Variants in NRXN1 observed in about 807,000 individuals in gnomAD.
The protein encoded by NRXN1 is neurexin-1.
In NRXN1, 39 loss-of-function variants were observed where a neutral mutation model predicts 150.9. The observed-to-expected ratio is 0.26, with a 90% CI of 0.20 to 0.34. NRXN1 has a LOEUF of 0.34. Ranked by LOEUF, NRXN1 falls within the 10% of genes least tolerant of loss-of-function variation. NRXN1 has a pLI of 1.00. For synonymous variants in NRXN1, 924 were observed against 757.0 expected, an observed-to-expected ratio of 1.22 and a Z score of -3.62; for missense variants, 1,815 against 1,949.9, an observed-to-expected ratio of 0.93 and a Z score of 1.30.
intron 21 of NRXN1, among the ~76,000 whole-genome samples, chr2:49,949,520 C>A (rs915490258): frequency 6.6e-6 from 1 of 151,818 alleles, no homozygotes; most frequent in African/African-American, 2.4e-5. Context: ...AAGACGCTTA[C>A]AGAAAACTAT....
chr2:50,755,678 C>A (rs1031547667), intron 5 of NRXN1, among the ~76,000 whole-genome samples: 2 of 151,784 alleles, frequency 1.3e-5, no homozygotes, highest in Non-Finnish European at 2.9e-5. Context: ...GTTTTCTAAT[C>A]CCATGAGGAA....
Position 50,984,233 on chromosome 2 carries a change from C to T in NRXN1, c.772+43269G>A, listed in dbSNP as rs138871302. On this transcript the variant is annotated intron_variant, in intron 2 of 22. Transcript: ENST00000401669. Reference sequence around the variant, plus strand: ...CTCCTGACCTCAGGTGATCCACCCACGTCGGCCTCCCAAAGTGTTGGGATT... The same window carrying T: ...CTCCTGACCTCAGGTGATCCACCCATGTCGGCCTCCCAAAGTGTTGGGATT... 7.2e-3 allele frequency among the ~76,000 whole-genome samples: 1,079 copies of T among 149,394 alleles called. 16 individuals are homozygous for T. The highest frequency in any genetic ancestry group is 0.024 in the African/African-American group (958 of 40,476).
intron 21 of NRXN1, chr2:49,969,748 G>A (rs1677621364): frequency 6.6e-6 from 1 of 152,008 alleles, no homozygotes; most frequent in African/African-American, 2.4e-5. Context: ...GGGTGGTATG[G>A]CCGTAGACTG....
intron 21 of NRXN1, among the ~76,000 whole-genome samples, chr2:50,033,980 A>AC (rs1446370557): frequency 4.2e-4 from 64 of 151,890 alleles, no homozygotes; most frequent in African/African-American, 1.4e-3. Flanking sequence ...AAAAAAAAAA[A>AC]AAAAACAAAC....
intron 19 of NRXN1, among the ~76,000 whole-genome samples, chr2:50,090,695 T>A (rs1699437395): frequency 6.6e-6 from 1 of 152,180 alleles, no homozygotes; most frequent in Non-Finnish European, 1.5e-5. Context: ...CAATAACGGC[T>A]TGACATTTAT....
intron 5 of NRXN1, among the ~76,000 whole-genome samples, chr2:50,810,593 T>G (rs1668079644): frequency 1.3e-5 from 2 of 152,132 alleles, no homozygotes; most frequent in Admixed American, 6.6e-5. Flanking sequence ...ACACATATAT[T>G]CAACTTCCTG....
At chr2:50,685,794 T>A (rs1691143130) in intron 5 of NRXN1, among the ~76,000 whole-genome samples, 1 of 152,130 alleles carries the variant, frequency 6.6e-6, no homozygotes, top group African/African-American at 2.4e-5. Context: ...TGCATCATCT[T>A]TGCATCATCA....
At chr2:50,083,905 A>C (rs1698357530) in intron 19 of NRXN1, among the ~76,000 whole-genome samples, 2 of 152,162 alleles carry the variant, frequency 1.3e-5, no homozygotes, top group South Asian at 4.1e-4. Context: ...AGGTTCTCCA[A>C]GTCCGCACCA....
chr2:50,077,006 G>A (rs1427823037), intron 19 of NRXN1, among the ~76,000 whole-genome samples: 1 of 152,124 alleles, frequency 6.6e-6, no homozygotes, highest in Non-Finnish European at 1.5e-5. Flanking sequence ...ATCCTACAAA[G>A]CACTGGAGTA....
chr2:50,411,111 T>C (rs1166929788), intron 17 of NRXN1, among the ~76,000 whole-genome samples: 1 of 151,714 alleles, frequency 6.6e-6, no homozygotes, highest in Non-Finnish European at 1.5e-5. Context: ...GGCTGGACTG[T>C]ACTGCAACCT....
chr2:50,500,586 G>T (rs752021557), intron 13 of NRXN1, among the ~76,000 whole-genome samples: 6 of 152,170 alleles, frequency 3.9e-5, no homozygotes, highest in East Asian at 1.9e-4. Flanking sequence ...GAAGGGGAAA[G>T]ATTTTTAATG....
At chr2:50,274,699 A>G (rs985690101) in intron 17 of NRXN1, among the ~76,000 whole-genome samples, 7 of 152,162 alleles carry the variant, frequency 4.6e-5, no homozygotes, top group Admixed American at 3.9e-4. Flanking sequence ...CCATTTTTTA[A>G]TCTCTAAAAT....
chr2:50,847,657 C>G (rs1451720419), intron 5 of NRXN1, among the ~76,000 whole-genome samples: 1 of 152,192 alleles, frequency 6.6e-6, no homozygotes, highest in African/African-American at 2.4e-5. Flanking sequence ...GCTGGATACC[C>G]TGAGGAGCAC....
chr2:50,300,022 C>T (rs1360898400), intron 17 of NRXN1, among the ~76,000 whole-genome samples: 2 of 151,944 alleles, frequency 1.3e-5, no homozygotes, highest in Middle Eastern at 6.3e-3. Flanking sequence ...ATCATCTAAT[C>T]CTGAATATGA....
chr2:50,563,586 G>A (rs554180297), intron 8 of NRXN1, among the ~76,000 whole-genome samples: 1 of 152,210 alleles, frequency 6.6e-6, no homozygotes, highest in East Asian at 1.9e-4. Flanking sequence ...CTTTAATGGT[G>A]GCTCTTTTCT....
chr2:50,655,620 A>G (rs1686325366), intron 5 of NRXN1, among the ~76,000 whole-genome samples: 1 of 151,520 alleles, frequency 6.6e-6, no homozygotes, highest in Non-Finnish European at 1.5e-5. Flanking sequence ...ACTACTTATG[A>G]ATGAGGAATA....
At chr2:50,523,695 C>T (rs1236821887) in intron 12 of NRXN1, among the ~76,000 whole-genome samples, 2 of 152,188 alleles carry the variant, frequency 1.3e-5, no homozygotes, top group Non-Finnish European at 2.9e-5. Flanking sequence ...CTACTCCAGA[C>T]ATCCATCAAA....
chr2:50,535,388 C>T (rs1231059297), intron 10 of NRXN1, among the ~76,000 whole-genome samples: 1 of 152,198 alleles, frequency 6.6e-6, no homozygotes, highest in Non-Finnish European at 1.5e-5. Flanking sequence ...TTGTTGCAGT[C>T]TAAAGTGTAC....
intron 17 of NRXN1, among the ~76,000 whole-genome samples, chr2:50,406,485 A>T (rs528376597): frequency 6.6e-6 from 1 of 152,146 alleles, no homozygotes; most frequent in East Asian, 1.9e-4. Context: ...ACCTTTAATG[A>T]CCTCTACTTT....
Sources: allele counts gnomAD v4.1 joint callset (sites outside exome capture counted in the v4.1 genomes callset), GRCh38; gene constraint gnomAD v4.1.1; transcripts MANE v1.5; gene names NCBI Gene and HGNC (gene_info 2026-07-23, HGNC 2026-07-21).